Variants in SV2C observed in about 807,000 individuals in gnomAD.
SV2C encodes the protein synaptic vesicle glycoprotein 2C.
SV2C carries 49 observed loss-of-function variants against 79.7 expected under a neutral mutation model. The observed-to-expected ratio is 0.61, with a 90% CI of 0.49 to 0.78. SV2C has a LOEUF of 0.78. SV2C is among the 30% of genes least tolerant of loss of function. SV2C has a pLI of 0.00. For missense variants in SV2C, 833 were observed against 912.9 expected, an observed-to-expected ratio of 0.91 and a Z score of 1.13; for synonymous variants, 334 against 333.2, an observed-to-expected ratio of 1.00 and a Z score of -0.03.
At chr5:75,901,466 C>G in the SV2C span, among the ~76,000 whole-genome samples, 1 of 152,098 alleles carries the variant, frequency 6.6e-6, no homozygotes, top group Non-Finnish European at 1.5e-5. Flanking sequence ...AGAGGAGTAC[C>G]CGGCCGTGTG....
At chr5:75,898,710 G>T in the SV2C span, among the ~76,000 whole-genome samples, 2,495 of 152,078 alleles carry the variant, frequency 0.016, 35 homozygotes, top group African/African-American at 0.043. Flanking sequence ...GACTCTTTTT[G>T]GTTGGTAAGC....
chr5:76,153,810 A>G (rs58628146), intron 2 of SV2C, among the ~76,000 whole-genome samples: 51,577 of 152,062 alleles, frequency 0.34, 9,688 homozygotes, highest in Middle Eastern at 0.46. Context: ...GAATGGACAG[A>G]GGCTTGGAGG....
chr5:76,295,974 C>A, intron 9 of SV2C, 32 bp downstream of exon 9: 2 of 1,530,374 alleles, frequency 1.3e-6, no homozygotes, highest in Non-Finnish European at 1.8e-6. Flanking sequence ...TAATTTGCTA[C>A]CTATTCACAA....
the SV2C span, among the ~76,000 whole-genome samples, chr5:76,072,594 A>G: frequency 6.6e-6 from 1 of 152,156 alleles, no homozygotes; most frequent in Non-Finnish European, 1.5e-5. Context: ...ACAGGAGTAG[A>G]GAAACTTCTT....
intron 4 of SV2C, among the ~76,000 whole-genome samples, chr5:76,232,677 A>C (rs113165100): frequency 1.5e-4 from 22 of 145,606 alleles, no homozygotes; most frequent in Admixed American, 1.5e-3. Flanking sequence ...TTTTCCCAGC[A>C]CCATTTATTA....
chr5:76,325,648 C>T lies in SV2C; in HGVS notation c.*101C>T, dbSNP rs1748973467. On this transcript the variant is annotated 3_prime_UTR_variant, in exon 13 of 13. Coordinates refer to ENST00000502798, the MANE Select transcript of SV2C (RefSeq NM_014979.4). ...GAGTTTTCCTATATAGAAAGGTGATCAAGTATCAGAACATAAACACGTGCT... is the reference window on the plus strand; with the variant it reads ...GAGTTTTCCTATATAGAAAGGTGATTAAGTATCAGAACATAAACACGTGCT... 1 of 1,495,162 alleles carries T rather than the reference C, an allele frequency of 6.7e-7. No homozygotes were observed. Among genetic ancestry groups the T allele is most frequent in the Non-Finnish European group, 9.0e-7 (1 of 1,115,964 alleles). 92.6% of individuals were successfully genotyped at this position (1,495,162 alleles called of 1,614,324 possible). A position where few individuals can be genotyped will look rare whatever the true frequency, so the allele number is the denominator to read the frequency against.
intron 12 of SV2C, among the ~76,000 whole-genome samples, chr5:76,307,356 A>G (rs974092219): frequency 1.3e-5 from 2 of 152,236 alleles, no homozygotes; most frequent in African/African-American, 4.8e-5. Flanking sequence ...GAGAACAAAA[A>G]GCAGATAGCC....
intron 1 of SV2C, among the ~76,000 whole-genome samples, chr5:76,119,966 C>T (rs765265806): frequency 1.2e-4 from 19 of 152,094 alleles, no homozygotes; most frequent in Non-Finnish European, 2.6e-4. Context: ...TCTACAAGCA[C>T]AGTAAGGTAT....
At chr5:75,970,488 G>C in the SV2C span, among the ~76,000 whole-genome samples, 1 of 151,704 alleles carries the variant, frequency 6.6e-6, no homozygotes, top group Non-Finnish European at 1.5e-5. Context: ...ATGACAAAGG[G>C]GATATCACCA....
chr5:76,255,487 A>G (rs905695151), intron 4 of SV2C, among the ~76,000 whole-genome samples: 1 of 152,030 alleles, frequency 6.6e-6, no homozygotes, highest in East Asian at 1.9e-4. Flanking sequence ...TCCTTTTCTC[A>G]CTAGTCCTTC....
At chr5:76,080,895 C>T (rs1351286459), upstream of SV2C, among the ~76,000 whole-genome samples, 1 of 152,170 alleles carries the variant, frequency 6.6e-6, no homozygotes, top group Non-Finnish European at 1.5e-5. Context: ...ATCCAAGGGG[C>T]CTGGGGCCAA....
At chr5:76,132,810 C>T (rs1004957836) in intron 2 of SV2C, among the ~76,000 whole-genome samples, 3 of 152,024 alleles carry the variant, frequency 2.0e-5, no homozygotes, top group East Asian at 1.9e-4. Flanking sequence ...TTTTAGGACC[C>T]TGATAACTTT....
chr5:76,027,841 C>T, the SV2C span, among the ~76,000 whole-genome samples: 2 of 152,098 alleles, frequency 1.3e-5, no homozygotes, highest in African/African-American at 2.4e-5. Flanking sequence ...CTCTGTGCTC[C>T]GTGAATCATG....
intron 12 of SV2C, among the ~76,000 whole-genome samples, chr5:76,306,104 G>A (rs188025871): frequency 2.3e-4 from 35 of 152,336 alleles, no homozygotes; most frequent in Non-Finnish European, 4.7e-4. Context: ...CTGGAATGCA[G>A]TGATTCAATC....
chr5:75,917,635 A>T, the SV2C span, among the ~76,000 whole-genome samples: 1 of 152,190 alleles, frequency 6.6e-6, no homozygotes, highest in Non-Finnish European at 1.5e-5. Context: ...ACTCATTGAC[A>T]TAGAGAGTTG....
intron 4 of SV2C, among the ~76,000 whole-genome samples, chr5:76,229,747 T>C (rs1745356988): frequency 6.6e-6 from 1 of 152,186 alleles, no homozygotes; most frequent in South Asian, 2.1e-4. Flanking sequence ...TCCCTCTTTC[T>C]CAAAGTCATG....
At chr5:76,059,463 G>T in the SV2C span, among the ~76,000 whole-genome samples, 1 of 150,590 alleles carries the variant, frequency 6.6e-6, no homozygotes, top group Admixed American at 6.7e-5. Flanking sequence ...TCTTCACTAG[G>T]AGTAGATTCC....
the SV2C span, chr5:75,921,759 G>A: frequency 2.7e-6 from 1 of 369,106 alleles, no homozygotes; most frequent in Non-Finnish European, 5.1e-6. Flanking sequence ...AGAAGCTCAT[G>A]GTATCTACCA....
At chr5:76,175,893 A>G (rs1743511036) in intron 2 of SV2C, among the ~76,000 whole-genome samples, 1 of 151,958 alleles carries the variant, frequency 6.6e-6, no homozygotes, top group African/African-American at 2.4e-5. Context: ...GACAGCCCCC[A>G]CTGCACTCTG....
Sources: gnomAD v4.1 joint callset for allele counts (sites outside exome capture counted in the v4.1 genomes callset) on GRCh38, gnomAD v4.1.1 for gene constraint, MANE v1.5 for transcripts, NCBI Gene and HGNC (gene_info 2026-07-23, HGNC 2026-07-21) for gene names.